TMEM33: variants seen among roughly 807,000 people sequenced by gnomAD.
TMEM33 encodes transmembrane protein 33.
In TMEM33, 16 loss-of-function variants were observed where a neutral mutation model predicts 29.7. The ratio of observed to expected loss-of-function variants is 0.54; its 90% CI spans 0.36 to 0.82. The LOEUF is 0.82. TMEM33 is among the 40% of genes least tolerant of loss of function. The pLI is 0.00. For missense variants in TMEM33, 252 were observed against 295.3 expected (o/e 0.85, Z 1.08); for synonymous variants, 112 against 109.4 (o/e 1.02, Z -0.15).
At chr4:41,953,035 A>T (rs1713110190) in intron 6 of TMEM33, among the ~76,000 whole-genome samples, 1 of 152,068 alleles carries the variant, frequency 6.6e-6, no homozygotes, top group African/African-American at 2.4e-5. Flanking sequence ...TAAAATATAT[A>T]TATATAATTT....
rs1713176662 is a variant in TMEM33 at position 41,954,454 on chromosome 4, TA to T, written c.*260del. 3.9e-6 allele frequency: 1 copy of T among 255,212 alleles called. No individual in the cohort carries two copies. Among genetic ancestry groups the T allele is most frequent in the African/African-American group, 2.2e-5 (1 of 44,926 alleles). The allele number at this position is 255,212 out of a possible 1,614,324, so 15.8% of individuals were successfully genotyped here. On this transcript the variant is annotated 3_prime_UTR_variant, in exon 7 of 7. Transcript: ENST00000504986. Reference sequence around the variant, plus strand: ...CTAGTGATAAATATACCAGTTTTTTTAAAAAGATGCTGTTGTGCCTATATCA... The same window carrying T: ...CTAGTGATAAATATACCAGTTTTTTTAAAAGATGCTGTTGTGCCTATATCA...
intron 6 of TMEM33, 50 bp downstream of exon 6, chr4:41,949,435 A>AT: frequency 7.1e-7 from 1 of 1,405,010 alleles, no homozygotes; most frequent in Non-Finnish European, 9.9e-7. Flanking sequence ...GAGTATTGTG[A>AT]ATATATAGTA....
chr4:41,937,735 A>G (rs949485562), intron 1 of TMEM33, among the ~76,000 whole-genome samples: 8 of 152,238 alleles, frequency 5.3e-5, no homozygotes, highest in Admixed American at 2.6e-4. Flanking sequence ...CAAAAAATGT[A>G]AAAGCCACTT....
rs928055490 is a variant in TMEM33 at position 41,955,447 on chromosome 4, T to C, written c.*1248T>C. ...TGCATGATTGGAAATGTTTAAAACA[T>C]TGTACAGTTTTAGTATAGAGAAATG... On this transcript the variant is annotated 3_prime_UTR_variant, in exon 7 of 7. Coordinates refer to ENST00000504986, the MANE Select transcript of TMEM33 (RefSeq NM_018126.3). The C allele has an allele frequency of 1.4e-4, 21 of 152,598 alleles. No individual in the cohort carries two copies. The allele number at this position is 152,598 out of a possible 1,614,324, so 9.5% of individuals were successfully genotyped here.
intron 6 of TMEM33, 152 bp downstream of exon 6, chr4:41,949,537 CT>C: frequency 1.7e-6 from 1 of 597,142 alleles, no homozygotes. Context: ...TTAGAATGTA[CT>C]GGGGTTGGTG....
upstream of TMEM33, chr4:41,935,199 C>G (rs899645008): frequency 1.8e-6 from 1 of 555,034 alleles, no homozygotes; most frequent in Non-Finnish European, 3.2e-6. Flanking sequence ...GGCTTCACCC[C>G]GAAGCTCCAC....
intron 3 of TMEM33, among the ~76,000 whole-genome samples, chr4:41,941,248 A>T (rs147375262): frequency 2.6e-5 from 4 of 152,360 alleles, no homozygotes; most frequent in Non-Finnish European, 4.4e-5. Context: ...CTATACTACA[A>T]CTGTAAATGA....
At chr4:41,944,985 A>G (rs1177184336) in intron 5 of TMEM33, 59 bp downstream of exon 5, 2 of 1,583,850 alleles carry the variant, frequency 1.3e-6, no homozygotes, top group Non-Finnish European at 8.6e-7. Context: ...AAAGATAGTA[A>G]CTCAAGTTTT....
At chr4:41,949,470 G>T in intron 6 of TMEM33, 85 bp downstream of exon 6, 2 of 1,117,198 alleles carry the variant, frequency 1.8e-6, no homozygotes, top group Non-Finnish European at 1.3e-6. Flanking sequence ...GAGTTACTTA[G>T]CTAATGTGTT....
chr4:41,939,896 T>C lies in TMEM33; in HGVS notation c.328+513T>C, dbSNP rs199927935. 8 of 412,568 alleles carry C rather than the reference T, an allele frequency of 1.9e-5. No homozygotes were observed. The East Asian group carries it at 5.0e-4, about 26-fold the overall frequency. 25.6% of individuals were successfully genotyped at this position (412,568 alleles called of 1,614,324 possible). A position where few individuals can be genotyped will look rare whatever the true frequency, so the allele number is the denominator to read the frequency against. On this transcript the variant is annotated intron_variant, in intron 3 of 6. Coordinates refer to ENST00000504986, the MANE Select transcript of TMEM33 (RefSeq NM_018126.3). Reference sequence around the variant, plus strand: ...ATAGAGTAGAAAATAAGGACACACATGGATAATCCGTGAAGCTAATGAGAA... The same window carrying C: ...ATAGAGTAGAAAATAAGGACACACACGGATAATCCGTGAAGCTAATGAGAA...
chr4:41,936,604 C>T (rs533063283), intron 1 of TMEM33, among the ~76,000 whole-genome samples: 7 of 152,216 alleles, frequency 4.6e-5, no homozygotes, highest in Non-Finnish European at 1.0e-4. Flanking sequence ...CTCCTATAGT[C>T]CCAGCATAGT....
intron 1 of TMEM33, 104 bp from the exon 2 acceptor site, chr4:41,938,498 A>G (rs1207043406): frequency 9.4e-7 from 1 of 1,063,320 alleles, no homozygotes; most frequent in African/African-American, 1.6e-5. Flanking sequence ...AAACAAATGG[A>G]GGAAGATTAA....
chr4:41,943,482 G>A (rs180690268), intron 3 of TMEM33, among the ~76,000 whole-genome samples: 20 of 151,460 alleles, frequency 1.3e-4, no homozygotes, highest in African/African-American at 3.9e-4. Context: ...CCAAGATTAC[G>A]CCATTGCACT....
At chr4:41,944,734 A>G (rs1030844280) in intron 4 of TMEM33, 59 bp from the exon 5 acceptor site, 6 of 1,584,638 alleles carry the variant, frequency 3.8e-6, no homozygotes, top group Non-Finnish European at 5.2e-6. Flanking sequence ...CTACAGAAAG[A>G]AAATATTGTT....
At chr4:41,939,668 G>C (rs994794001) in intron 3 of TMEM33, 24 of 508,854 alleles carry the variant, frequency 4.7e-5, no homozygotes, top group African/African-American at 3.8e-4. Context: ...ACCTTACGCA[G>C]AACTTACTTT....
chr4:41,937,600 T>C (rs61302665), intron 1 of TMEM33, among the ~76,000 whole-genome samples: 10,319 of 152,228 alleles, frequency 0.068, 458 homozygotes, highest in African/African-American at 0.12. Context: ...AAACACCAGC[T>C]ATTTTTAAAA....
At chr4:41,942,410 T>C (rs1185953010) in intron 3 of TMEM33, among the ~76,000 whole-genome samples, 2 of 152,208 alleles carry the variant, frequency 1.3e-5, no homozygotes, top group Non-Finnish European at 2.9e-5. Context: ...GGATATAGGT[T>C]GGTGTCTTGC....
At position 41,958,700 on chromosome 4, in the gene TMEM33, C is replaced by CCT. The variant is rs1560522140; in HGVS notation, c.*4501_*4502insCT. On this transcript the variant is annotated 3_prime_UTR_variant, in exon 7 of 7. Transcript: ENST00000504986. ...GTAGAGACAACTAGTTTCTCTCGCT[C>CCT]TTTTTTTTTTTTTTTTTTTTTTTTT... 1 of 93,786 alleles carries CCT rather than the reference C, an allele frequency of 1.1e-5. No individual in the cohort carries two copies. The highest frequency in any genetic ancestry group is 2.1e-5 in the Non-Finnish European group (1 of 47,336). 5.8% of individuals were successfully genotyped at this position (93,786 alleles called of 1,614,324 possible). A position where few individuals can be genotyped will look rare whatever the true frequency, so the allele number is the denominator to read the frequency against.
At chr4:41,953,536 T>C (rs1234088118) in intron 6 of TMEM33, among the ~76,000 whole-genome samples, 1 of 152,254 alleles carries the variant, frequency 6.6e-6, no homozygotes, top group Non-Finnish European at 1.5e-5. Flanking sequence ...TGGCCTGTCT[T>C]AGCTTTAGCC....
Sources: allele counts gnomAD v4.1 joint callset (sites outside exome capture counted in the v4.1 genomes callset), GRCh38; gene constraint gnomAD v4.1.1; transcripts MANE v1.5; gene names NCBI Gene and HGNC (gene_info 2026-07-23, HGNC 2026-07-21).